Variants in RPS6KA3 observed in about 807,000 individuals in gnomAD.
RPS6KA3 encodes the protein ribosomal protein S6 kinase A3.
Under a neutral mutation model 67.2 loss-of-function variants are expected in RPS6KA3, and 4 were observed. That is an observed-to-expected ratio of 0.06 (90% CI 0.03 to 0.14). The LOEUF (loss-of-function observed/expected upper bound fraction) is 0.14. RPS6KA3 is among the 10% of genes least tolerant of loss of function. The pLI, the probability that RPS6KA3 is intolerant of heterozygous loss-of-function variation, is 1.00. For synonymous variants in RPS6KA3, 182 were observed against 183.7 expected (o/e 0.99, Z 0.07); for missense variants, 204 against 559.0 (o/e 0.36, Z 6.40).
chrX:20,157,054 G>A (rs2067203434), intron 20 of RPS6KA3, among the ~76,000 whole-genome samples: 1 of 111,609 alleles, frequency 9.0e-6, no homozygotes, highest in African/African-American at 3.3e-5. Context: ...ATGAGGAACA[G>A]TTCCATAATC....
intron 2 of RPS6KA3, chrX:20,218,670 T>C: frequency 2.1e-6 from 1 of 478,139 alleles, no homozygotes; most frequent in Non-Finnish European, 3.6e-6. Context: ...TTAAAAGTTC[T>C]ATCAAAACAG....
chrX:20,257,047 C>T (rs902993241), intron 1 of RPS6KA3, among the ~76,000 whole-genome samples: 2 of 112,112 alleles, frequency 1.8e-5, no homozygotes. Flanking sequence ...AATTCTGGCT[C>T]CTTCAGTTAC....
chrX:20,234,883 AG>A (rs1967959199), intron 1 of RPS6KA3, 69 bp from the exon 2 acceptor site: 9 of 816,741 alleles, frequency 1.1e-5, no homozygotes, highest in Admixed American at 2.4e-5. Flanking sequence ...AAATGAAGGC[AG>A]ACAAAAAAAA....
At chrX:20,212,108 C>T (rs1275295325) in intron 2 of RPS6KA3, among the ~76,000 whole-genome samples, 3 of 111,729 alleles carry the variant, frequency 2.7e-5, no homozygotes, top group African/African-American at 9.8e-5. Context: ...GTGTGAGCTA[C>T]AATCAGGCCA....
At chrX:20,251,068 T>A (rs1446240649) in intron 1 of RPS6KA3, among the ~76,000 whole-genome samples, 2 of 111,969 alleles carry the variant, frequency 1.8e-5, no homozygotes, top group African/African-American at 6.5e-5. Flanking sequence ...TGTCACTTGG[T>A]ATAGAAATCT....
At chrX:20,202,649 C>A (rs2068470623) in intron 4 of RPS6KA3, among the ~76,000 whole-genome samples, 1 of 112,016 alleles carries the variant, frequency 8.9e-6, no homozygotes, top group African/African-American at 3.2e-5. Flanking sequence ...AACAGTTGGC[C>A]TTCTCTAATA....
At chrX:20,169,323 C>T in intron 16 of RPS6KA3, 79 bp downstream of exon 16, 2 of 678,679 alleles carry the variant, frequency 2.9e-6, no homozygotes, top group Non-Finnish European at 4.8e-6. Flanking sequence ...TTGTCTACCA[C>T]ATGATTTTTG....
At chrX:20,229,239 T>C (rs2069199119) in intron 2 of RPS6KA3, among the ~76,000 whole-genome samples, 1 of 111,629 alleles carries the variant, frequency 9.0e-6, no homozygotes, top group Admixed American at 9.5e-5. Context: ...TTCTCTACTG[T>C]CTTGTCCTAG....
intron 17 of RPS6KA3, 97 bp from the exon 18 acceptor site, chrX:20,165,157 T>C (rs111672110): frequency 1.6e-6 from 1 of 630,177 alleles, no homozygotes; most frequent in South Asian, 2.3e-5. Context: ...CTTAACAAGA[T>C]GATGAGTGCT....
In RPS6KA3 at chrX:20,175,298, G is replaced by T. The variant is rs767179626; in HGVS notation, c.1103-10C>A. On this transcript the variant is annotated splice_polypyrimidine_tract_variant and intron_variant, in intron 13 of 21. Coordinates refer to ENST00000379565, the MANE Select transcript of RPS6KA3 (RefSeq NM_004586.3). ...GGAATGCCAGGTGAATCTGAAAAGA[G>T]TAAGAAGTGACAAAGAAGATTCATT... The T allele has an allele frequency of 2.5e-6, 3 of 1,208,240 alleles. No homozygotes were observed. The East Asian group carries it at 8.9e-5, about 36-fold the overall frequency.
In RPS6KA3 at chrX:20,155,313, GGT is replaced by G; in HGVS notation, c.*83_*84del. 4 of 1,056,015 alleles carry G rather than the reference GGT, an allele frequency of 3.8e-6. No homozygotes were observed. The highest frequency in any genetic ancestry group is 5.3e-6 in the Non-Finnish European group (4 of 754,106). The allele number at this position is 1,056,015 out of a possible 1,213,427, so 87.0% of individuals were successfully genotyped here. On this transcript the variant is annotated 3_prime_UTR_variant, in exon 22 of 22. Transcript: ENST00000379565. ...CCAGCTGGGACAGTGTGTGCTTGCA[GGT>G]GTCTCTCAGATACGTGCTACCTGTC...
chrX:20,247,118 CATAA>C, intron 1 of RPS6KA3, among the ~76,000 whole-genome samples: 1 of 112,342 alleles, frequency 8.9e-6, no homozygotes, highest in Middle Eastern at 4.6e-3. Flanking sequence ...ATTTATTAAG[CATAA>C]ATAAAGAGTA....
chrX:20,175,357 A>T, intron 13 of RPS6KA3, 69 bp from the exon 14 acceptor site: 1 of 1,073,050 alleles, frequency 9.3e-7, no homozygotes, highest in Non-Finnish European at 1.3e-6. Context: ...TGTTGACACT[A>T]TGACCTTTTT....
At chrX:20,222,640 C>CT (rs903437786) in intron 2 of RPS6KA3, among the ~76,000 whole-genome samples, 21 of 111,207 alleles carry the variant, frequency 1.9e-4, no homozygotes, top group South Asian at 7.4e-4. Context: ...CCAGAATAAT[C>CT]TTTTTTTTGT....
intron 10 of RPS6KA3, among the ~76,000 whole-genome samples, chrX:20,185,791 G>A (rs1205333624): frequency 1.8e-5 from 2 of 111,802 alleles, no homozygotes; most frequent in Non-Finnish European, 3.8e-5. Flanking sequence ...AAAGCTTTCA[G>A]TATTTCACTA....
intron 8 of RPS6KA3, among the ~76,000 whole-genome samples, chrX:20,188,286 G>A (rs1452985978): frequency 9.0e-6 from 1 of 110,735 alleles, no homozygotes; most frequent in Non-Finnish European, 1.9e-5. Flanking sequence ...ATGTTAGCCA[G>A]GCTAGTCTTG....
chrX:20,190,190 A>G (rs377274949), intron 7 of RPS6KA3, among the ~76,000 whole-genome samples: 8 of 112,132 alleles, frequency 7.1e-5, no homozygotes, highest in African/African-American at 2.6e-4. Context: ...CTTTGAAAGA[A>G]AAAGTCAACT....
At chrX:20,209,171 A>G (rs2068645951) in intron 3 of RPS6KA3, 117 bp downstream of exon 3, 1 of 518,627 alleles carries the variant, frequency 1.9e-6, no homozygotes, top group Non-Finnish European at 3.4e-6. Flanking sequence ...AAAAAAACAG[A>G]AAACATTGCT....
intron 1 of RPS6KA3, among the ~76,000 whole-genome samples, chrX:20,239,407 G>T (rs776900720): frequency 1.8e-5 from 2 of 111,810 alleles, no homozygotes; most frequent in East Asian, 5.5e-4. Context: ...AAGCAGGGTG[G>T]AAGAGATCAT....
Sources: gnomAD v4.1 joint callset for allele counts (sites outside exome capture counted in the v4.1 genomes callset) on GRCh38, gnomAD v4.1.1 for gene constraint, MANE v1.5 for transcripts, NCBI Gene and HGNC (gene_info 2026-07-23, HGNC 2026-07-21) for gene names.